The following PCDHA10 variants were observed in gnomAD, a reference collection of about 807,000 sequenced individuals.
The protein encoded by PCDHA10 is protocadherin alpha-10.
PCDHA10 carries 45 observed loss-of-function variants against 61.2 expected under a neutral mutation model. The observed-to-expected ratio is 0.74, with a 90% CI of 0.58 to 0.94. The LOEUF (loss-of-function observed/expected upper bound fraction) is 0.94, where lower values mean the gene tolerates loss of function less well. Among genes scored for constraint, PCDHA10 ranks in the 40% least tolerant of loss-of-function variants. The pLI is 0.00. For missense variants in PCDHA10, 1,278 were observed against 1,236.2 expected, an observed-to-expected ratio of 1.03 and a Z score of -0.51; for synonymous variants, 602 against 548.8, an observed-to-expected ratio of 1.10 and a Z score of -1.35.
intron 2 of PCDHA10, among the ~76,000 whole-genome samples, chr5:140,979,642 A>G (rs1364696351): frequency 2.0e-5 from 3 of 152,188 alleles, no homozygotes; most frequent in South Asian, 2.1e-4. Flanking sequence ...ATTAAATATA[A>G]TTTTGCTTTC....
intron 1 of PCDHA10, chr5:140,877,395 C>T (rs375548936): frequency 4.3e-6 from 7 of 1,613,958 alleles, no homozygotes; most frequent in Middle Eastern, 1.6e-4. Flanking sequence ...ATGAGGCGGA[C>T]GCTCCGCGCC....
chr5:140,997,100 T>G (rs1286807919), intron 3 of PCDHA10, among the ~76,000 whole-genome samples: 1 of 152,170 alleles, frequency 6.6e-6, no homozygotes, highest in Non-Finnish European at 1.5e-5. Flanking sequence ...AGAGTTCTCA[T>G]GCACTCCTGC....
chr5:140,927,907 G>T, intron 1 of PCDHA10: 1 of 1,614,156 alleles, frequency 6.2e-7, no homozygotes, highest in Non-Finnish European at 8.5e-7. Context: ...TCATGCCCCC[G>T]AACTGGACTT....
At chr5:140,971,630 C>A (rs1281130153) in intron 1 of PCDHA10, among the ~76,000 whole-genome samples, 1 of 151,972 alleles carries the variant, frequency 6.6e-6, no homozygotes, top group Non-Finnish European at 1.5e-5. Context: ...ACAATTAGTA[C>A]CATGTGCCTA....
In PCDHA10 at chr5:140,884,757, TCTTTA is replaced by T. The variant is rs1486319174; in HGVS notation, c.2388+26327_2388+26331del. On this transcript the variant is annotated intron_variant, in intron 1 of 3. Transcript: ENST00000307360. ...ATCTTTCCTGCCAATTTCAAATTATTCTTTACTTTAATTTTAATTTTGCTAGTTGT... is the reference window on the plus strand; with the variant it reads ...ATCTTTCCTGCCAATTTCAAATTATTCTTTAATTTTAATTTTGCTAGTTGT... The T allele has an allele frequency of 5.5e-5, 78 of 1,427,314 alleles. 1 individual carries two copies. The highest frequency in any genetic ancestry group is 1.3e-4 in the South Asian group (8 of 61,704). The allele number at this position is 1,427,314 out of a possible 1,614,324, so 88.4% of individuals were successfully genotyped here. A position where few individuals can be genotyped will look rare whatever the true frequency, so the allele number is the denominator to read the frequency against.
intron 1 of PCDHA10, among the ~76,000 whole-genome samples, chr5:140,963,050 G>C (rs2095732681): frequency 2.6e-5 from 4 of 152,030 alleles, no homozygotes; most frequent in Admixed American, 2.6e-4. Flanking sequence ...AGTCTATAAG[G>C]GTTTCTACAT....
At chr5:140,963,693 A>G (rs782642148) in intron 1 of PCDHA10, among the ~76,000 whole-genome samples, 15 of 152,210 alleles carry the variant, frequency 9.9e-5, no homozygotes, top group Non-Finnish European at 2.2e-4. Context: ...TCCGTGTTTG[A>G]TATCTAAAGG....
chr5:140,932,125 A>G (rs1272736604), intron 1 of PCDHA10, among the ~76,000 whole-genome samples: 1 of 151,932 alleles, frequency 6.6e-6, no homozygotes, highest in African/African-American at 2.4e-5. Context: ...ATAATATTTA[A>G]GATATAAACA....
At chr5:140,964,473 T>G (rs1457345251) in intron 1 of PCDHA10, among the ~76,000 whole-genome samples, 13 of 152,068 alleles carry the variant, frequency 8.5e-5, no homozygotes, top group African/African-American at 3.1e-4. Flanking sequence ...TGCCTATGAT[T>G]TTTTCACAGT....
intron 1 of PCDHA10, chr5:140,866,128 A>G (rs1022878402): frequency 6.6e-6 from 1 of 152,166 alleles, no homozygotes; most frequent in Non-Finnish European, 1.5e-5. Flanking sequence ...AGAACTACGT[A>G]TCTGTTGTTT....
chr5:140,995,581 G>A (rs1268400169), intron 3 of PCDHA10, among the ~76,000 whole-genome samples: 6 of 152,292 alleles, frequency 3.9e-5, no homozygotes, highest in Admixed American at 2.0e-4. Context: ...TGAGCTATGA[G>A]CTTTTAACTT....
chr5:141,002,612 CA>C, intron 3 of PCDHA10, among the ~76,000 whole-genome samples: 1 of 152,178 alleles, frequency 6.6e-6, no homozygotes, highest in Non-Finnish European at 1.5e-5. Flanking sequence ...AAAACAGACA[CA>C]TAACACAGAC....
chr5:140,948,943 A>G (rs2094326850), intron 1 of PCDHA10, among the ~76,000 whole-genome samples: 1 of 71,272 alleles, frequency 1.4e-5, no homozygotes, highest in African/African-American at 4.3e-5. Context: ...CTTCTAATAT[A>G]AAAAAATTAA....
chr5:140,891,468 T>C (rs1459925727), intron 1 of PCDHA10, among the ~76,000 whole-genome samples: 1 of 151,582 alleles, frequency 6.6e-6, no homozygotes, highest in Non-Finnish European at 1.5e-5. Context: ...TGTGAATTAA[T>C]GCCTTTACAT....
intron 1 of PCDHA10, among the ~76,000 whole-genome samples, chr5:140,965,384 A>C (rs1275113616): frequency 6.6e-6 from 1 of 152,222 alleles, no homozygotes; most frequent in Non-Finnish European, 1.5e-5. Flanking sequence ...GGGACACAGA[A>C]GAACAGAAGT....
chr5:140,856,130 G>A lies in PCDHA10; in HGVS notation c.82G>A (p.Gly28Ser). The part of the protein sequence containing the change: ...LLLAAWEVGS[G>S]QLHYSVYEEA... The stretch of plus-strand genomic sequence containing the variant: ...CCTCGCAGCCTGGGAGGTGGGGAGC[G>A]GCCAGCTCCACTACTCAGTCTACGA... The change falls in exon 1 of 4, where the codon GGC becomes AGC. Residue 28 changes from glycine to serine, a missense_variant. Gly to Ser is a moderately conservative substitution (Grantham distance 56). Transcript: ENST00000307360. 7 of 1,598,068 alleles carry A rather than the reference G, an allele frequency of 4.4e-6. 1 individual carries two copies. The highest frequency in any genetic ancestry group is 6.0e-6 in the Non-Finnish European group (7 of 1,167,790).
intron 3 of PCDHA10, among the ~76,000 whole-genome samples, chr5:140,992,344 T>G (rs2097506257): frequency 6.6e-6 from 1 of 152,124 alleles, no homozygotes; most frequent in Non-Finnish European, 1.5e-5. Context: ...GATGGAAATG[T>G]GGAGAGAGGA....
intron 1 of PCDHA10, chr5:140,969,008 G>A (rs782541476): frequency 6.2e-7 from 1 of 1,614,194 alleles, no homozygotes; most frequent in Non-Finnish European, 8.5e-7. Context: ...CTTCTGTGGA[G>A]TAAGGGAAAG....
intron 3 of PCDHA10, among the ~76,000 whole-genome samples, chr5:141,000,500 T>A (rs1440390927): frequency 5.7e-5 from 8 of 140,516 alleles, no homozygotes; most frequent in Non-Finnish European, 1.2e-4. Context: ...AGATCTCGGC[T>A]CACTGCAACC....
Sources: gnomAD v4.1 joint callset for allele counts (sites outside exome capture counted in the v4.1 genomes callset) on GRCh38, gnomAD v4.1.1 for gene constraint, MANE v1.5 for transcripts, NCBI Gene and HGNC (gene_info 2026-07-23, HGNC 2026-07-21) for gene names.